The following FBXO39 variants were observed in gnomAD, a reference collection of about 807,000 sequenced individuals.
The protein encoded by FBXO39 is F-box only protein 39.
FBXO39 carries 22 observed loss-of-function variants against 36.6 expected under a neutral mutation model. The observed-to-expected ratio is 0.60, with a 90% CI of 0.43 to 0.86. The LOEUF (loss-of-function observed/expected upper bound fraction) is 0.86. FBXO39 is among the 40% of genes least tolerant of loss of function. The pLI is 0.00. For missense variants in FBXO39, 536 were observed against 543.9 expected, an observed-to-expected ratio of 0.99 and a Z score of 0.14; for synonymous variants, 206 against 205.8, an observed-to-expected ratio of 1.00 and a Z score of -0.01.
Position 6,787,507 on chromosome 17 carries a change from G to T in FBXO39, c.*79G>T. On this transcript the variant is annotated 3_prime_UTR_variant, in exon 4 of 4. Transcript: ENST00000321535. ...TCTCTTAGAACTACACTTGGGCACT[G>T]CCGGCCCTTTTGCTCCTCTCTCTCC... 1 of 1,561,738 alleles carries T rather than the reference G, an allele frequency of 6.4e-7. No homozygotes were observed. Among genetic ancestry groups the T allele is most frequent in the Non-Finnish European group, 8.7e-7 (1 of 1,148,970 alleles).
rs1167682237 is a variant in FBXO39 at position 6,787,492 on chromosome 17, C to T, written c.*64C>T. On this transcript the variant is annotated 3_prime_UTR_variant, in exon 4 of 4. Transcript: ENST00000321535. ...AACTTGAAAATCATTTCTCTTAGAA[C>T]TACACTTGGGCACTGCCGGCCCTTT... is the stretch of plus-strand genomic sequence containing the variant. 26 of 1,595,884 alleles carry T rather than the reference C, an allele frequency of 1.6e-5. No homozygotes were observed. In the East Asian group the frequency reaches 5.8e-4, roughly 36 times the overall value.
In FBXO39 at chr17:6,786,950, A is replaced by G. The variant is rs1443715048; in HGVS notation, c.1194A>G (p.Val398=). The G allele has an allele frequency of 6.2e-7, 1 of 1,612,144 alleles. No individual in the cohort carries two copies. Among genetic ancestry groups the G allele is most frequent in the Non-Finnish European group, 8.5e-7 (1 of 1,179,000 alleles). Residue 398 remains valine (V), a synonymous_variant, in exon 3 of 4, where the codon GTA becomes GTG. Transcript: ENST00000321535. ...AAGAACGGCAGTGTGCCCTGCGTGT[A>G]TTCAAGGTAAGAGGTCCCCAGGCTG... ...SQKERQCALR[V]FKARIYTNRY... is the part of the protein sequence containing the mutation.
chr17:6,778,943 TCCTC>T (rs1597773994), intron 1 of FBXO39, among the ~76,000 whole-genome samples: 1 of 152,094 alleles, frequency 6.6e-6, no homozygotes, highest in East Asian at 1.9e-4. Flanking sequence ...TGACCATCCT[TCCTC>T]TGTCCCCCAG....
chr17:6,782,825 A>G (rs754343080), intron 2 of FBXO39, among the ~76,000 whole-genome samples: 17 of 152,162 alleles, frequency 1.1e-4, no homozygotes, highest in Non-Finnish European at 1.9e-4. Flanking sequence ...AATAACAGCT[A>G]GAGACTTCAA....
chr17:6,786,837 CTCA>C lies in FBXO39; in HGVS notation c.1086_1088del (p.Ile363del). ...GTCACTCGACGAGGAGCTGCACCTC[CTCA>C]TCATATCCTGCAGGAAGTTGTTTTA... On this transcript the variant is annotated inframe_deletion, in exon 3 of 4. Transcript: ENST00000321535. The C allele has an allele frequency of 1.2e-6, 2 of 1,613,782 alleles. No homozygotes were observed. Among genetic ancestry groups the C allele is most frequent in the Non-Finnish European group, 1.7e-6 (2 of 1,179,848 alleles).
chr17:6,778,654 G>T (rs1448317459), intron 1 of FBXO39, among the ~76,000 whole-genome samples: 20 of 152,184 alleles, frequency 1.3e-4, no homozygotes, highest in Admixed American at 1.3e-3. Context: ...GGTAGGGCTT[G>T]AACTTTGAAC....
chr17:6,780,195 G>A lies in FBXO39; in HGVS notation c.327G>A (p.Gln109=). Residue 109 remains glutamine (Q), a synonymous_variant, in exon 2 of 4, where the codon CAG becomes CAA. Transcript: ENST00000321535. ...PYNAVLTKKF[Q]VTMRGLLSCL... ...ATGCTGTCTTGACCAAGAAGTTCCA[G>A]GTCACCATGCGGGGCCTCCTGTCTT... The A allele has an allele frequency of 6.2e-7, 1 of 1,614,150 alleles. No homozygotes were observed. Among genetic ancestry groups the A allele is most frequent in the Non-Finnish European group, 8.5e-7 (1 of 1,180,022 alleles).
chr17:6,786,402 A>G (rs1567672255), intron 2 of FBXO39, among the ~76,000 whole-genome samples: 1 of 152,216 alleles, frequency 6.6e-6, no homozygotes, highest in Non-Finnish European at 1.5e-5. Context: ...GTACAAAAAA[A>G]GTTAGAAAGA....
rs1677013971 is a variant in FBXO39 at position 6,780,197 on chromosome 17, T to C, written c.329T>C (p.Val110Ala). 1 of 1,614,166 alleles carries C rather than the reference T, an allele frequency of 6.2e-7. No homozygotes were observed. Among genetic ancestry groups the C allele is most frequent in the Non-Finnish European group, 8.5e-7 (1 of 1,180,026 alleles). The change falls in exon 2 of 4, where the codon GTC (valine) becomes GCC (alanine). Residue 110 changes from valine to alanine, a missense_variant. Coordinates refer to ENST00000321535, the MANE Select transcript of FBXO39 (RefSeq NM_153230.3). ...YNAVLTKKFQ[V>A]TMRGLLSCLS... is the part of the protein sequence containing the mutation. The stretch of plus-strand genomic sequence containing the variant: ...GCTGTCTTGACCAAGAAGTTCCAGG[T>C]CACCATGCGGGGCCTCCTGTCTTGT...
intron 1 of FBXO39, among the ~76,000 whole-genome samples, chr17:6,776,638 T>C (rs1245011578): frequency 6.6e-6 from 1 of 152,178 alleles, no homozygotes; most frequent in East Asian, 1.9e-4. Flanking sequence ...TGTATTCCTA[T>C]CTTCCTTGGC....
chr17:6,783,615 A>G (rs2151574564), intron 2 of FBXO39, among the ~76,000 whole-genome samples: 1 of 152,214 alleles, frequency 6.6e-6, no homozygotes, highest in Non-Finnish European at 1.5e-5. Context: ...TAGAGCCTAT[A>G]ACGAGCAACT....
intron 1 of FBXO39, among the ~76,000 whole-genome samples, chr17:6,776,944 C>T (rs1200130267): frequency 6.6e-6 from 1 of 151,978 alleles, no homozygotes; most frequent in Admixed American, 6.6e-5. Flanking sequence ...GGGAGGCTCC[C>T]AGTCATTAAA....
rs528227620 is a variant in FBXO39 at position 6,780,726 on chromosome 17, C to A, written c.858C>A (p.Asn286Lys). ...GGCAGGCCACCAATCTGAAGGTGAA[C>A]TTCTTCTTTGAACGGATCATGAAGT... Reference protein sequence around the residue: ...LARQATNLKVNFFFERIMKYE... With the variant: ...LARQATNLKVKFFFERIMKYE... Residue 286 changes from asparagine to lysine, a missense_variant, in exon 2 of 4, where the codon AAC becomes AAA. Coordinates refer to ENST00000321535, the MANE Select transcript of FBXO39 (RefSeq NM_153230.3). The A allele has an allele frequency of 6.2e-7, 1 of 1,614,008 alleles. No individual in the cohort carries two copies. The highest frequency in any genetic ancestry group is 1.3e-5 in the African/African-American group (1 of 75,040).
At chr17:6,778,977 C>G (rs1226683336) in intron 1 of FBXO39, among the ~76,000 whole-genome samples, 1 of 152,172 alleles carries the variant, frequency 6.6e-6, no homozygotes, top group Non-Finnish European at 1.5e-5. Context: ...TTCCACACCT[C>G]AAAACTCACC....
rs1220857034 is a variant in FBXO39, at chr17:6,780,557, A to G, written c.689A>G (p.Asn230Ser). 1.4e-5 allele frequency: 23 copies of G among 1,613,806 alleles called. No homozygotes were observed. Among genetic ancestry groups the G allele is most frequent in the Non-Finnish European group, 1.8e-5 (21 of 1,179,988 alleles). The change falls in exon 2 of 4, where the codon AAC (asparagine) becomes AGC (serine). Residue 230 changes from asparagine to serine, a missense_variant. Coordinates refer to ENST00000321535, the MANE Select transcript of FBXO39 (RefSeq NM_153230.3). ...MSTFHNLVSL[N>S]LNYNCISDEL... The stretch of plus-strand genomic sequence containing the variant: ...ACATTCCACAATCTTGTGTCCCTGA[A>G]CCTCAACTACAACTGTATCTCCGAC...
In FBXO39 at chr17:6,779,933, T is replaced by A; in HGVS notation, c.65T>A (p.Leu22Ter). The A allele has an allele frequency of 6.2e-7, 1 of 1,614,204 alleles. No individual in the cohort carries two copies. The highest frequency in any genetic ancestry group is 8.5e-7 in the Non-Finnish European group (1 of 1,180,030). ...AGCTGCTGGGCCTTTCTGCCCGATT[T>A]GTGTCTGTGCCGTGTTTTCTGGTGG... ...DQSCWAFLPDLCLCRVFWWLG... is the reference protein window; with the variant it reads ...DQSCWAFLPD The change falls in exon 2 of 4, where the codon TTG becomes TAG. Residue 22 changes from leucine (L) to a stop codon, truncating the protein, a stop_gained. Transcript: ENST00000321535. LOFTEE classifies it high-confidence loss of function.
At position 6,780,547 on chromosome 17, in the gene FBXO39, G is replaced by T. The variant is rs1006782914; in HGVS notation, c.679G>T (p.Val227Leu). ...KKTMSTFHNLVSLNLNYNCIS... is the reference protein window; with the variant it reads ...KKTMSTFHNLLSLNLNYNCIS... The stretch of plus-strand genomic sequence containing the variant: ...GACCATGTCCACATTCCACAATCTT[G>T]TGTCCCTGAACCTCAACTACAACTG... The change falls in exon 2 of 4, where the codon GTG becomes TTG. Residue 227 changes from valine (V) to leucine (L), a missense_variant. Val to Leu is a conservative substitution (Grantham distance 32). Transcript: ENST00000321535. 7 of 1,614,018 alleles carry T rather than the reference G, an allele frequency of 4.3e-6. No homozygotes were observed. Among genetic ancestry groups the T allele is most frequent in the Non-Finnish European group, 5.1e-6 (6 of 1,180,022 alleles).
In FBXO39 at chr17:6,780,218, C is replaced by G. The variant is rs138977169; in HGVS notation, c.350C>G (p.Ser117Cys). Reference protein sequence around the residue: ...KFQVTMRGLLSCLSKSNNRLK... With the variant: ...KFQVTMRGLLCCLSKSNNRLK... ...CAGGTCACCATGCGGGGCCTCCTGT[C>G]TTGTCTGAGTAAGAGCAACAACCGT... The change falls in exon 2 of 4, where the codon TCT becomes TGT. Residue 117 changes from serine (S) to cysteine (C), a missense_variant. Physicochemically the swap from Ser to Cys is moderately radical, Grantham distance 112. Coordinates refer to ENST00000321535, the MANE Select transcript of FBXO39 (RefSeq NM_153230.3). 1 of 1,614,198 alleles carries G rather than the reference C, an allele frequency of 6.2e-7. No individual in the cohort carries two copies. Among genetic ancestry groups the G allele is most frequent in the Non-Finnish European group, 8.5e-7 (1 of 1,180,032 alleles).
Position 6,779,930 on chromosome 17 carries a change from A to G in FBXO39, c.62A>G (p.Asp21Gly). 5 of 1,614,096 alleles carry G rather than the reference A, an allele frequency of 3.1e-6. No homozygotes were observed. The highest frequency in any genetic ancestry group is 4.2e-6 in the Non-Finnish European group (5 of 1,180,014). Reference protein sequence around the residue: ...QDQSCWAFLPDLCLCRVFWWL... With the variant: ...QDQSCWAFLPGLCLCRVFWWL... Reference sequence around the variant, plus strand: ...CAGAGCTGCTGGGCCTTTCTGCCCGATTTGTGTCTGTGCCGTGTTTTCTGG... The same window carrying G: ...CAGAGCTGCTGGGCCTTTCTGCCCGGTTTGTGTCTGTGCCGTGTTTTCTGG... Residue 21 changes from aspartate to glycine, a missense_variant, in exon 2 of 4, where the codon GAT becomes GGT. By Grantham distance (94) the Asp-to-Gly change is moderately conservative. Transcript: ENST00000321535.
Sources: gnomAD v4.1 joint callset for allele counts (sites outside exome capture counted in the v4.1 genomes callset) on GRCh38, gnomAD v4.1.1 for gene constraint, MANE v1.5 for transcripts, NCBI Gene and HGNC (gene_info 2026-07-23, HGNC 2026-07-21) for gene names.